Variants in NSMCE2 observed in about 807,000 individuals in gnomAD.
NSMCE2 encodes the protein NSE2 SUMO ligase component of SMC5/6 complex, also known as E3 SUMO-protein ligase NSE2.
In NSMCE2, 24 loss-of-function variants were observed where a neutral mutation model predicts 23.8. That is an observed-to-expected ratio of 1.01 (90% CI 0.73 to 1.42). The LOEUF is 1.42. Among genes scored for constraint, NSMCE2 ranks in the 40% most tolerant of loss-of-function variants. The pLI, the probability that NSMCE2 is intolerant of heterozygous loss-of-function variation, is 0.00. For missense variants in NSMCE2, 284 were observed against 296.5 expected (o/e 0.96, Z 0.31); for synonymous variants, 92 against 94.1 (o/e 0.98, Z 0.13).
rs574836142 is a variant in NSMCE2, at chr8:125,244,151, G to A, written c.418+61895G>A. On this transcript the variant is annotated intron_variant, in intron 5 of 7. Transcript: ENST00000287437. ...AATAATGTAACAGACTAATAGCAGG[G>A]ATCTACAATTATAGAATGTTTCTCA... 1.5e-3 allele frequency among the ~76,000 whole-genome samples: 228 copies of A among 152,022 alleles called. 2 individuals are homozygous for A. The highest frequency in any genetic ancestry group is 6.8e-3 in the Middle Eastern group (2 of 294).
In NSMCE2 at chr8:125,093,970, ATT is replaced by A. The variant is rs545614657; in HGVS notation, c.-111+2025_-111+2026del. 1.8e-3 allele frequency among the ~76,000 whole-genome samples: 259 copies of A among 144,536 alleles called. 4 individuals are homozygous for A. Among genetic ancestry groups the A allele is most frequent in the African/African-American group, 6.1e-3 (241 of 39,624 alleles). The allele number at this position is 144,536 out of a possible 152,430, so 94.8% of individuals were successfully genotyped here. On this transcript the variant is annotated intron_variant, in intron 1 of 7. Transcript: ENST00000287437. The stretch of plus-strand genomic sequence containing the variant: ...AGCCACTATGTCTGTGTAAGTTTAA[ATT>A]TTTTTTTTTTTTGTAGAGTTGGGGT...
chr8:125,312,840 G>A (rs547447377), intron 5 of NSMCE2, among the ~76,000 whole-genome samples: 1 of 152,200 alleles, frequency 6.6e-6, no homozygotes, highest in Non-Finnish European at 1.5e-5. Context: ...TACGGGGCCG[G>A]TTGGAGAAGA....
At chr8:125,264,789 C>A (rs1286108112) in intron 5 of NSMCE2, among the ~76,000 whole-genome samples, 4 of 152,142 alleles carry the variant, frequency 2.6e-5, no homozygotes, top group Non-Finnish European at 5.9e-5. Flanking sequence ...CATCTTGCAG[C>A]CTCATTAACT....
At chr8:125,355,699 C>CAAAAA (rs140692089) in intron 5 of NSMCE2, among the ~76,000 whole-genome samples, 6 of 46,736 alleles carry the variant, frequency 1.3e-4, no homozygotes, top group African/African-American at 2.4e-4. Context: ...GACTCCATCT[C>CAAAAA]AAAAAAAAAA....
intron 4 of NSMCE2, among the ~76,000 whole-genome samples, chr8:125,165,943 G>T (rs756787584): frequency 6.6e-6 from 1 of 152,174 alleles, no homozygotes; most frequent in Admixed American, 6.5e-5. Context: ...GCTGCTAGAT[G>T]GGAGTGAACA....
In NSMCE2 at chr8:125,188,022, A is replaced by G. The variant is rs969953306; in HGVS notation, c.418+5766A>G. On this transcript the variant is annotated intron_variant, in intron 5 of 7. Transcript: ENST00000287437. ...AGGTTATAAATCATTTTGAATGACAATGATATTTGTATCAGACATATAGAG... is the reference window on the plus strand; with the variant it reads ...AGGTTATAAATCATTTTGAATGACAGTGATATTTGTATCAGACATATAGAG... Among the ~76,000 whole-genome samples the G allele has an allele frequency of 2.0e-4, 30 of 152,192 alleles. 1 individual carries two copies. Among genetic ancestry groups the G allele is most frequent in the Admixed American group, 3.3e-4 (5 of 15,280 alleles).
At chr8:125,284,393 G>C (rs905986897) in intron 5 of NSMCE2, among the ~76,000 whole-genome samples, 3 of 152,114 alleles carry the variant, frequency 2.0e-5, no homozygotes, top group African/African-American at 7.2e-5. Context: ...AGGGATTCTA[G>C]CGGAGTCACA....
At chr8:125,350,233 T>C (rs1586806934) in intron 5 of NSMCE2, among the ~76,000 whole-genome samples, 1 of 152,100 alleles carries the variant, frequency 6.6e-6, no homozygotes, top group Non-Finnish European at 1.5e-5. Flanking sequence ...ACAAGAGTGA[T>C]GTGATAGAGA....
intron 5 of NSMCE2, among the ~76,000 whole-genome samples, chr8:125,307,502 A>G (rs750393106): frequency 1.3e-5 from 2 of 152,144 alleles, no homozygotes; most frequent in Admixed American, 6.5e-5. Context: ...TCCTGAGCCC[A>G]TTTGTCTGGA....
chr8:125,304,141 G>C (rs1380363496), intron 5 of NSMCE2, among the ~76,000 whole-genome samples: 1 of 152,180 alleles, frequency 6.6e-6, no homozygotes, highest in Non-Finnish European at 1.5e-5. Context: ...GATTTAGACT[G>C]TGGAAAAGTT....
intron 5 of NSMCE2, among the ~76,000 whole-genome samples, chr8:125,201,723 C>T (rs1207927144): frequency 6.6e-6 from 1 of 152,196 alleles, no homozygotes; most frequent in Non-Finnish European, 1.5e-5. Context: ...CTGCTCTCTT[C>T]AGAGCTGTCA....
chr8:125,340,054 G>A (rs1351978733), intron 5 of NSMCE2, among the ~76,000 whole-genome samples: 1 of 132,176 alleles, frequency 7.6e-6, no homozygotes. Flanking sequence ...TCGCTCTGTG[G>A]CCCAGGCGGG....
intron 5 of NSMCE2, among the ~76,000 whole-genome samples, chr8:125,291,958 C>T (rs1828123614): frequency 6.6e-6 from 1 of 152,020 alleles, no homozygotes; most frequent in Non-Finnish European, 1.5e-5. Flanking sequence ...AGGCTCTTTC[C>T]ATCTTGTGGT....
intron 5 of NSMCE2, among the ~76,000 whole-genome samples, chr8:125,302,862 G>A (rs1056414310): frequency 6.6e-6 from 1 of 152,132 alleles, no homozygotes; most frequent in Non-Finnish European, 1.5e-5. Flanking sequence ...CCACTGCTCA[G>A]GAACTGGATA....
At chr8:125,143,146 G>T (rs542408526) in intron 3 of NSMCE2, among the ~76,000 whole-genome samples, 1 of 152,240 alleles carries the variant, frequency 6.6e-6, no homozygotes, top group East Asian at 1.9e-4. Context: ...GTATAGATGT[G>T]TGTTGCTAGA....
chr8:125,239,494 A>G (rs578257045), intron 5 of NSMCE2, among the ~76,000 whole-genome samples: 1 of 151,856 alleles, frequency 6.6e-6, no homozygotes, highest in African/African-American at 2.4e-5. Flanking sequence ...CTGTAGTACC[A>G]GCCACTCGGG....
chr8:125,317,112 C>T (rs1829240879), intron 5 of NSMCE2, among the ~76,000 whole-genome samples: 1 of 151,470 alleles, frequency 6.6e-6, no homozygotes, highest in South Asian at 2.1e-4. Flanking sequence ...CACATCATCA[C>T]TCCACCTTCC....
At chr8:125,230,521 C>G (rs2130943826) in intron 5 of NSMCE2, among the ~76,000 whole-genome samples, 1 of 152,330 alleles carries the variant, frequency 6.6e-6, no homozygotes, top group Middle Eastern at 3.4e-3. Flanking sequence ...TGTAGTTCCT[C>G]TGTATCTCAT....
At chr8:125,334,268 A>T (rs1282821562) in intron 5 of NSMCE2, among the ~76,000 whole-genome samples, 3 of 152,066 alleles carry the variant, frequency 2.0e-5, no homozygotes, top group Admixed American at 6.6e-5. Context: ...TGCTTTGATC[A>T]TTGTCATCTA....
Sources: allele counts gnomAD v4.1 joint callset (sites outside exome capture counted in the v4.1 genomes callset), GRCh38; gene constraint gnomAD v4.1.1; transcripts MANE v1.5; gene names NCBI Gene and HGNC (gene_info 2026-07-23, HGNC 2026-07-21).